The following THUMPD2 variants were observed in gnomAD, a reference collection of about 807,000 sequenced individuals.
THUMPD2 encodes THUMP domain 2 tRNA and snRNA guanosine methyltransferase.
A neutral mutation model predicts 49.4 loss-of-function variants in THUMPD2; 56 were observed. That is an observed-to-expected ratio of 1.13 (90% CI 0.91 to 1.41). The LOEUF (loss-of-function observed/expected upper bound fraction) is 1.41. Ranked by LOEUF, THUMPD2 falls within the 40% of genes most tolerant of loss-of-function variation. The pLI is 0.00. For synonymous variants in THUMPD2, 237 were observed against 205.2 expected, an observed-to-expected ratio of 1.15 and a Z score of -1.32; for missense variants, 709 against 594.5, an observed-to-expected ratio of 1.19 and a Z score of -2.00.
chr2:39,753,760 A>G (rs1019357892), intron 8 of THUMPD2, among the ~76,000 whole-genome samples: 3 of 152,186 alleles, frequency 2.0e-5, no homozygotes, highest in Admixed American at 2.0e-4. Flanking sequence ...CCAGATGTAT[A>G]TCTGACCTTC....
chr2:39,755,928 T>C lies in THUMPD2; in HGVS notation c.924A>G (p.Gly308=). ...CAGCTTCCAAAAGTATTGTTCCAAG[T>C]CCACACATTGGATCTAAAACAAATG... ...AGAFVLDPMC[G]LGTILLEAAK... The change falls in exon 7 of 10, where the codon GGA becomes GGG. Residue 308 remains glycine, a synonymous_variant. Transcript: ENST00000505747. The C allele has an allele frequency of 6.2e-7, 1 of 1,613,900 alleles. No individual in the cohort carries two copies. Among genetic ancestry groups the C allele is most frequent in the Non-Finnish European group, 8.5e-7 (1 of 1,179,882 alleles).
intron 8 of THUMPD2, among the ~76,000 whole-genome samples, chr2:39,755,072 T>A (rs1230491561): frequency 1.3e-5 from 2 of 152,122 alleles, no homozygotes; most frequent in Non-Finnish European, 2.9e-5. Flanking sequence ...TTTTAAGAAG[T>A]CATGCTTTAC....
chr2:39,777,491 T>A (rs1000270632), intron 1 of THUMPD2, among the ~76,000 whole-genome samples: 3 of 152,202 alleles, frequency 2.0e-5, no homozygotes, highest in Non-Finnish European at 4.4e-5. Context: ...AATATGGAGG[T>A]AAAAGTCTAT....
At chr2:39,742,669 T>C (rs1674054402) in intron 9 of THUMPD2, among the ~76,000 whole-genome samples, 1 of 152,174 alleles carries the variant, frequency 6.6e-6, no homozygotes, top group Non-Finnish European at 1.5e-5. Flanking sequence ...TAGATGCAGA[T>C]TATCTAGTTA....
rs942960830 is a variant in THUMPD2 at position 39,755,796 on chromosome 2, A to G, written c.963+93T>C. ...CTCATATAATTAAAAATAATCCCCAAATAGACATTCTACTTGTAAATAATT... is the reference window on the plus strand; with the variant it reads ...CTCATATAATTAAAAATAATCCCCAGATAGACATTCTACTTGTAAATAATT... On this transcript the variant is annotated intron_variant, in intron 7 of 9. Coordinates refer to ENST00000505747, the MANE Select transcript of THUMPD2 (RefSeq NM_025264.5). 2.8e-5 allele frequency: 29 copies of G among 1,042,210 alleles called. No individual in the cohort carries two copies. The East Asian group carries it at 6.9e-4, about 25-fold the overall frequency. 64.6% of individuals were successfully genotyped at this position (1,042,210 alleles called of 1,614,324 possible). A position where few individuals can be genotyped will look rare whatever the true frequency, so the allele number is the denominator to read the frequency against.
intron 1 of THUMPD2, among the ~76,000 whole-genome samples, chr2:39,778,891 C>T (rs1354730128): frequency 6.6e-6 from 1 of 152,210 alleles, no homozygotes; most frequent in Non-Finnish European, 1.5e-5. Flanking sequence ...AAAACTTGAG[C>T]CCTGAGAAGT....
chr2:39,762,141 A>C (rs2148296705), intron 5 of THUMPD2, among the ~76,000 whole-genome samples: 1 of 152,270 alleles, frequency 6.6e-6, no homozygotes, highest in African/African-American at 2.4e-5. Context: ...TGGAAATTAC[A>C]ACTTTCCAAG....
In THUMPD2 at chr2:39,778,020, G is replaced by C. The variant is rs574468296; in HGVS notation, c.126+1094C>G. Among the ~76,000 whole-genome samples, 208 of 152,204 alleles carry C rather than the reference G, an allele frequency of 1.4e-3. 2 individuals are homozygous for C. Among genetic ancestry groups the C allele is most frequent in the African/African-American group, 4.5e-3 (187 of 41,534 alleles). ...TGAACATGATTATATACTCATTCTT[G>C]ATTTCCCAGCTCGGGTTTGAATCCC... On this transcript the variant is annotated intron_variant, in intron 1 of 9. Coordinates refer to ENST00000505747, the MANE Select transcript of THUMPD2 (RefSeq NM_025264.5).
intron 9 of THUMPD2, among the ~76,000 whole-genome samples, chr2:39,741,725 G>A (rs920810178): frequency 1.3e-5 from 2 of 152,056 alleles, no homozygotes; most frequent in Admixed American, 6.6e-5. Flanking sequence ...GTCCTTTCTC[G>A]AAGAGTCCAG....
At chr2:39,766,001 A>G in intron 5 of THUMPD2, 56 bp downstream of exon 5, 1 of 1,381,654 alleles carries the variant, frequency 7.2e-7, no homozygotes, top group Non-Finnish European at 1.0e-6. Flanking sequence ...AAAAAACACA[A>G]GTTCTTAATT....
At chr2:39,761,693 C>T (rs1676845303) in intron 5 of THUMPD2, among the ~76,000 whole-genome samples, 1 of 152,124 alleles carries the variant, frequency 6.6e-6, no homozygotes, top group African/African-American at 2.4e-5. Context: ...TGTAATTACA[C>T]ATGAGGAAAA....
chr2:39,779,085 TC>T, intron 1 of THUMPD2, 28 bp downstream of exon 1: 1 of 1,488,736 alleles, frequency 6.7e-7, no homozygotes. Flanking sequence ...GCCGCCCACC[TC>T]CCCAGGCGCG....
intron 8 of THUMPD2, among the ~76,000 whole-genome samples, chr2:39,747,141 T>C (rs1037069777): frequency 1.3e-5 from 2 of 152,218 alleles, no homozygotes; most frequent in African/African-American, 4.8e-5. Flanking sequence ...GATGTTTTGG[T>C]TAGGCATAAT....
chr2:39,778,952 G>T (rs1328621160), intron 1 of THUMPD2, among the ~76,000 whole-genome samples, 162 bp downstream of exon 1: 1 of 152,230 alleles, frequency 6.6e-6, no homozygotes, highest in East Asian at 1.9e-4. Context: ...GGCTTCTCTC[G>T]GCCGGAGCGG....
chr2:39,778,405 G>A (rs1361934492), intron 1 of THUMPD2, among the ~76,000 whole-genome samples: 1 of 152,234 alleles, frequency 6.6e-6, no homozygotes, highest in East Asian at 1.9e-4. Flanking sequence ...GGAGCTGCCA[G>A]GGTGGAGGGG....
intron 8 of THUMPD2, among the ~76,000 whole-genome samples, chr2:39,752,551 T>C (rs377409026): frequency 2.6e-5 from 4 of 152,284 alleles, no homozygotes; most frequent in South Asian, 4.1e-4. Context: ...GTAGGTGCAA[T>C]AAAGGGCTAA....
intron 6 of THUMPD2, among the ~76,000 whole-genome samples, chr2:39,758,482 G>A (rs767135230): frequency 6.6e-5 from 10 of 152,166 alleles, no homozygotes; most frequent in Non-Finnish European, 1.5e-4. Context: ...CCTCCCTGCT[G>A]TGGGTTGGGT....
intron 6 of THUMPD2, among the ~76,000 whole-genome samples, chr2:39,757,854 T>C (rs1387644694): frequency 3.9e-5 from 6 of 152,204 alleles, no homozygotes; most frequent in African/African-American, 9.7e-5. Context: ...GGCTGAGCTG[T>C]CTGTGTACTG....
intron 4 of THUMPD2, among the ~76,000 whole-genome samples, chr2:39,767,884 C>T (rs190426740): frequency 2.6e-5 from 4 of 151,942 alleles, no homozygotes; most frequent in African/African-American, 4.8e-5. Flanking sequence ...ATTGGTTATA[C>T]GTCAACTTTA....
Sources: allele counts gnomAD v4.1 joint callset (sites outside exome capture counted in the v4.1 genomes callset), GRCh38; gene constraint gnomAD v4.1.1; transcripts MANE v1.5; gene names NCBI Gene and HGNC (gene_info 2026-07-23, HGNC 2026-07-21).